The following KCNJ6 variants were observed in gnomAD, a reference collection of about 807,000 sequenced individuals.
KCNJ6 encodes the protein potassium inwardly rectifying channel subfamily J member 6.
A neutral mutation model predicts 34.2 loss-of-function variants in KCNJ6; 9 were observed. The observed-to-expected ratio is 0.26, with a 90% CI of 0.16 to 0.46. The LOEUF is 0.46. KCNJ6 is among the 20% of genes least tolerant of loss of function. KCNJ6 has a pLI of 1.00. For synonymous variants in KCNJ6, 196 were observed against 207.1 expected, an observed-to-expected ratio of 0.95 and a Z score of 0.46; for missense variants, 236 against 531.3, an observed-to-expected ratio of 0.44 and a Z score of 5.46.
In KCNJ6 at chr21:37,884,578, CTCAGAAAACTT is replaced by C. The variant is rs2055725918; in HGVS notation, c.-28+31295_-28+31305del. On this transcript the variant is annotated intron_variant, in intron 1 of 3. Transcript: ENST00000609713. Reference sequence around the variant, plus strand: ...TTCTGCTACCCCAAGTTACCATTTACTCAGAAAACTTTCAGGCCTGCCCAAAGCCCCAAAGT... The same window carrying C: ...TTCTGCTACCCCAAGTTACCATTTACTCAGGCCTGCCCAAAGCCCCAAAGT... Among the ~76,000 whole-genome samples the C allele has an allele frequency of 2.0e-5, 3 of 152,170 alleles. No individual in the cohort carries two copies. In the South Asian group the frequency reaches 6.2e-4, roughly 32 times the overall value.
chr21:37,754,610 A>G (rs531007598), intron 2 of KCNJ6, among the ~76,000 whole-genome samples: 5 of 152,334 alleles, frequency 3.3e-5, no homozygotes, highest in African/African-American at 9.6e-5. Context: ...ATGAGCCTCA[A>G]TGGACTTACC....
At chr21:37,626,746 G>C (rs1046342330) in intron 3 of KCNJ6, among the ~76,000 whole-genome samples, 1 of 152,130 alleles carries the variant, frequency 6.6e-6, no homozygotes, top group Non-Finnish European at 1.5e-5. Context: ...GCAAAAAGGC[G>C]TGGTGTCTAT....
At chr21:37,809,444 G>A (rs2055310809) in intron 2 of KCNJ6, among the ~76,000 whole-genome samples, 1 of 151,842 alleles carries the variant, frequency 6.6e-6, no homozygotes. Context: ...GTTAATGGGT[G>A]CAGCACACCA....
chr21:37,842,321 T>C (rs1169927365), intron 1 of KCNJ6, among the ~76,000 whole-genome samples: 1 of 152,206 alleles, frequency 6.6e-6, no homozygotes, highest in Non-Finnish European at 1.5e-5. Flanking sequence ...GAGTACAGTC[T>C]AGCAGTTTGG....
intron 2 of KCNJ6, among the ~76,000 whole-genome samples, chr21:37,795,996 C>G (rs2123526584): frequency 6.6e-6 from 1 of 152,220 alleles, no homozygotes; most frequent in Non-Finnish European, 1.5e-5. Context: ...CATCCTGCCC[C>G]TTGCAATTGA....
At chr21:37,760,266 G>A (rs1181739547) in intron 2 of KCNJ6, among the ~76,000 whole-genome samples, 1 of 152,226 alleles carries the variant, frequency 6.6e-6, no homozygotes, top group Non-Finnish European at 1.5e-5. Flanking sequence ...AGCAATGGAG[G>A]ATTAATATAA....
chr21:37,668,293 T>C (rs915073542), intron 3 of KCNJ6, among the ~76,000 whole-genome samples: 7 of 151,928 alleles, frequency 4.6e-5, no homozygotes, highest in Admixed American at 3.3e-4. Context: ...GCCCCAGGGG[T>C]AATGGGAGCC....
rs563198413 is a variant in KCNJ6, at chr21:37,714,233, T to C, written c.924A>G (p.Leu308=). 9 of 1,613,554 alleles carry C rather than the reference T, an allele frequency of 5.6e-6. No homozygotes were observed. The highest frequency in any genetic ancestry group is 2.7e-5 in the African/African-American group (2 of 75,020). Reference sequence around the variant, plus strand: ...TACCTGTGGCTTCCACCATTCCTTCTAGGATGACCACAATTTCCAGTTCCT... The same window carrying C: ...TACCTGTGGCTTCCACCATTCCTTCCAGGATGACCACAATTTCCAGTTCCT... ...PKEELEIVVI[L]EGMVEATGMT... is the part of the protein sequence containing the mutation. Residue 308 remains leucine (L), a synonymous_variant, in exon 3 of 4, where the codon CTA becomes CTG. Transcript: ENST00000609713. The surrounding 1 kb of genome is among the most constrained non-coding windows in gnomAD (Gnocchi z 5.9).
intron 3 of KCNJ6, among the ~76,000 whole-genome samples, chr21:37,652,945 T>C (rs2409937): frequency 0.14 from 21,805 of 152,158 alleles, 2,396 homozygotes; most frequent in African/African-American, 0.3. Flanking sequence ...AAGTTTGAAA[T>C]GCTCTTTGTG....
chr21:37,643,928 G>A (rs2054392449), intron 3 of KCNJ6, among the ~76,000 whole-genome samples: 2 of 152,136 alleles, frequency 1.3e-5, no homozygotes, highest in South Asian at 2.1e-4. Flanking sequence ...TGCATGTGTA[G>A]GTTCATTGCA....
chr21:37,664,824 T>A (rs1177126475), intron 3 of KCNJ6, among the ~76,000 whole-genome samples: 10 of 129,450 alleles, frequency 7.7e-5, no homozygotes, highest in Non-Finnish European at 1.4e-4. Flanking sequence ...TGAGATGGAG[T>A]CTCGCTTTGT....
intron 1 of KCNJ6, among the ~76,000 whole-genome samples, chr21:37,905,390 T>A (rs915101371): frequency 6.6e-6 from 1 of 152,218 alleles, no homozygotes; most frequent in African/African-American, 2.4e-5. Flanking sequence ...TGCGTGGCGC[T>A]CTGATTTCCA....
In KCNJ6 at chr21:37,832,626, A is replaced by G. The variant is rs577842941; in HGVS notation, c.25+8032T>C. Among the ~76,000 whole-genome samples the G allele has an allele frequency of 3.9e-5, 6 of 152,062 alleles. No individual in the cohort carries two copies. The South Asian group carries it at 1.0e-3, about 26-fold the overall frequency. On this transcript the variant is annotated intron_variant, in intron 2 of 3. Coordinates refer to ENST00000609713, the MANE Select transcript of KCNJ6 (RefSeq NM_002240.5). ...GCAGTCATCTGCTCTCTGACGGTCA[A>G]CTCAGGTTTTCCCCGTGCCCATCCT...
intron 2 of KCNJ6, among the ~76,000 whole-genome samples, chr21:37,723,559 G>A (rs2054837841): frequency 6.6e-6 from 1 of 152,110 alleles, no homozygotes; most frequent in Non-Finnish European, 1.5e-5. Flanking sequence ...AGAAAATGTG[G>A]TACAATACAC....
At chr21:37,824,784 G>A (rs1456167444) in intron 2 of KCNJ6, among the ~76,000 whole-genome samples, 1 of 152,016 alleles carries the variant, frequency 6.6e-6, no homozygotes, top group Non-Finnish European at 1.5e-5. Context: ...CATGCTTCCT[G>A]TTAAGCCTGT....
intron 3 of KCNJ6, among the ~76,000 whole-genome samples, chr21:37,700,984 G>C (rs1027251194): frequency 6.6e-6 from 1 of 152,180 alleles, no homozygotes; most frequent in Non-Finnish European, 1.5e-5. Flanking sequence ...GCACCTGGGA[G>C]ACAAAGTTCC....
chr21:37,763,581 T>C (rs756685571), intron 2 of KCNJ6, among the ~76,000 whole-genome samples: 3 of 152,188 alleles, frequency 2.0e-5, no homozygotes, highest in Admixed American at 6.5e-5. Context: ...TCTCAGTGAC[T>C]GTGTGCCTCA....
intron 2 of KCNJ6, among the ~76,000 whole-genome samples, chr21:37,752,456 T>C (rs2055001024): frequency 6.6e-6 from 1 of 151,752 alleles, no homozygotes; most frequent in South Asian, 2.1e-4. Context: ...ATGAGCTAAA[T>C]AGAGAAGCCA....
intron 2 of KCNJ6, among the ~76,000 whole-genome samples, chr21:37,822,816 T>C (rs565926455): frequency 6.6e-6 from 1 of 152,272 alleles, no homozygotes; most frequent in South Asian, 2.1e-4. Flanking sequence ...AATATTTAGA[T>C]TGGGTCTTAT....
Sources: allele counts gnomAD v4.1 joint callset (sites outside exome capture counted in the v4.1 genomes callset), GRCh38; gene constraint gnomAD v4.1.1; non-coding constraint Gnocchi (gnomAD v3.1); transcripts MANE v1.5; gene names NCBI Gene and HGNC (gene_info 2026-07-23, HGNC 2026-07-21).